Variants in PRRC2C observed in about 807,000 individuals in gnomAD.
PRRC2C encodes proline rich coiled-coil 2C.
In PRRC2C, 72 loss-of-function variants were observed where a neutral mutation model predicts 317.2. The observed-to-expected ratio is 0.23, with a 90% CI of 0.19 to 0.28. The LOEUF (loss-of-function observed/expected upper bound fraction) is 0.28, where lower values mean the gene tolerates loss of function less well. PRRC2C is among the 10% of genes least tolerant of loss of function. The pLI is 1.00. For synonymous variants in PRRC2C, 1,296 were observed against 1,205.9 expected (o/e 1.07, Z -1.55); for missense variants, 3,074 against 3,459.7 (o/e 0.89, Z 2.80).
chr1:171,566,691 G>C lies in PRRC2C; in HGVS notation c.6406G>C (p.Val2136Leu), dbSNP rs762241369. ...KNRKVKDAQQ[V>L]EPEGQEKPSP... Reference sequence around the variant, plus strand: ...TAGAAAAGTAAAAGATGCCCAACAGGTGGAGCCAGAAGGACAAGAGAAACC... The same window carrying C: ...TAGAAAAGTAAAAGATGCCCAACAGCTGGAGCCAGAAGGACAAGAGAAACC... Residue 2136 changes from valine to leucine, a missense_variant, in exon 22 of 35, where the codon GTG becomes CTG. By Grantham distance (32) the Val-to-Leu change is conservative. Transcript: ENST00000647382. 1.2e-6 allele frequency: 2 copies of C among 1,613,334 alleles called. No homozygotes were observed. Among genetic ancestry groups the C allele is most frequent in the Non-Finnish European group, 1.7e-6 (2 of 1,179,606 alleles).
chr1:171,498,864 C>T (rs1668582803), intron 1 of PRRC2C, among the ~76,000 whole-genome samples: 1 of 152,252 alleles, frequency 6.6e-6, no homozygotes, highest in African/African-American at 2.4e-5. Context: ...CCAGCAGTTG[C>T]GATCATCGCT....
intron 34 of PRRC2C, among the ~76,000 whole-genome samples, chr1:171,590,109 T>G (rs929258165): frequency 6.6e-6 from 1 of 152,138 alleles, no homozygotes; most frequent in African/African-American, 2.4e-5. Flanking sequence ...TGTTACTATC[T>G]TAGTACTTTT....
intron 30 of PRRC2C, 127 bp from the exon 31 acceptor site, chr1:171,586,876 G>A: frequency 1.3e-6 from 1 of 763,454 alleles, no homozygotes; most frequent in Non-Finnish European, 2.1e-6. Context: ...ATGAGCCACT[G>A]CACCTGGCCG....
chr1:171,552,815 A>G (rs919482658), intron 18 of PRRC2C, among the ~76,000 whole-genome samples: 5 of 152,162 alleles, frequency 3.3e-5, no homozygotes, highest in Non-Finnish European at 7.3e-5. Flanking sequence ...GATGAAGCCA[A>G]GTTGATCTTG....
intron 1 of PRRC2C, among the ~76,000 whole-genome samples, chr1:171,509,313 A>G (rs1471412294): frequency 1.3e-5 from 2 of 152,360 alleles, no homozygotes; most frequent in East Asian, 3.9e-4. Context: ...TTCAAAACAA[A>G]GAAATGTAAA....
At position 171,557,653 on chromosome 1, in the gene PRRC2C, C is replaced by T; in HGVS notation, c.5541C>T (p.Ala1847=). 6.4e-7 allele frequency: 1 copy of T among 1,551,630 alleles called. No homozygotes were observed. Among genetic ancestry groups the T allele is most frequent in the Non-Finnish European group, 8.7e-7 (1 of 1,146,976 alleles). Residue 1847 remains alanine (A), a synonymous_variant, in exon 19 of 35, where the codon GCC becomes GCT. Transcript: ENST00000647382. ...ASAPAPTPIL[A]SVSTPASVTI... ...CCCCAGCTCCAACCCCCATCCTTGC[C>T]TCAGTTTCAACCCCAGCTTCTGTCA...
At chr1:171,519,017 G>A (rs1233444486) in intron 6 of PRRC2C, among the ~76,000 whole-genome samples, 1 of 151,548 alleles carries the variant, frequency 6.6e-6, no homozygotes, top group Non-Finnish European at 1.5e-5. Context: ...CTGAGTAGCT[G>A]GGATTATAGC....
Position 171,537,436 on chromosome 1 carries a change from A to G in PRRC2C, c.2467A>G (p.Thr823Ala), listed in dbSNP as rs1201017632. Residue 823 changes from threonine (T) to alanine (A), a missense_variant, in exon 15 of 35, where the codon ACT becomes GCT. Around this residue, in one of 11 missense-constraint regions of PRRC2C, gnomAD observed 1,320 missense variants for 1,395.7 expected, o/e 0.95. Transcript: ENST00000647382. ...TCCTCATGCTGAGCCTCAACAAGCA[A>G]CTACTCCCAAAGCAACAGAAGAGCC... The part of the protein sequence containing the change: ...PYPHAEPQQA[T>A]TPKATEEPED... The G allele has an allele frequency of 6.3e-7, 1 of 1,583,074 alleles. No individual in the cohort carries two copies. The highest frequency in any genetic ancestry group is 1.2e-5 in the South Asian group (1 of 86,402).
At chr1:171,493,058 TAAATA>T (rs556674924) in intron 1 of PRRC2C, among the ~76,000 whole-genome samples, 17 of 135,332 alleles carry the variant, frequency 1.3e-4, no homozygotes, top group Middle Eastern at 3.8e-3. Context: ...CCGGGGAATT[TAAATA>T]AAATAAAATA....
intron 28 of PRRC2C, among the ~76,000 whole-genome samples, chr1:171,583,144 T>C (rs1375466239): frequency 2.0e-5 from 3 of 152,106 alleles, no homozygotes; most frequent in Non-Finnish European, 4.4e-5. Context: ...CACCTAATTT[T>C]TTATTTTTTT....
chr1:171,592,413 A>C lies in PRRC2C; in HGVS notation c.*566A>C, dbSNP rs1354195860. 5.9e-5 allele frequency: 9 copies of C among 152,610 alleles called. No individual in the cohort carries two copies. The highest frequency in any genetic ancestry group is 1.3e-4 in the Non-Finnish European group (9 of 68,360). The allele number at this position is 152,610 out of a possible 1,614,324, so 9.5% of individuals were successfully genotyped here. A position where few individuals can be genotyped will look rare whatever the true frequency, so the allele number is the denominator to read the frequency against. ...CATGGTGATTGAGTTGAACACAATC[A>C]AAGTACAGTAGTAACTGATGTCCCC... On this transcript the variant is annotated 3_prime_UTR_variant, in exon 35 of 35. Transcript: ENST00000647382.
chr1:171,579,228 C>T, intron 26 of PRRC2C, 126 bp from the exon 27 acceptor site: 4 of 1,321,600 alleles, frequency 3.0e-6, no homozygotes, highest in Admixed American at 3.0e-5. Flanking sequence ...TTAGTTTTTC[C>T]ATGGCTGTAT....
Position 171,532,482 on chromosome 1 carries a change from G to A in PRRC2C, c.1394G>A (p.Arg465His). 1.9e-6 allele frequency: 3 copies of A among 1,612,702 alleles called. No homozygotes were observed. The highest frequency in any genetic ancestry group is 1.7e-6 in the Non-Finnish European group (2 of 1,179,346). ...ATTTCTGCAGCAGTAGAACGTGCTC[G>A]TAAACGGCGTGAAGAGGAAGAGCGA... ...SEISAAVERA[R>H]KRREEEERRM... The change falls in exon 12 of 35, where the codon CGT becomes CAT. Residue 465 changes from arginine to histidine, a missense_variant. By Grantham distance (29) the Arg-to-His change is conservative. Transcript: ENST00000647382.
Position 171,592,163 on chromosome 1 carries a change from A to C in PRRC2C, c.*316A>C. On this transcript the variant is annotated 3_prime_UTR_variant, in exon 35 of 35. Coordinates refer to ENST00000647382, the MANE Select transcript of PRRC2C (RefSeq NM_001387844.1). ...TAATTTAGACCTAAAAATCCTTATG[A>C]TTAGATGAAACACCAAAAATATAAG... The C allele has an allele frequency of 4.1e-6, 1 of 243,446 alleles. No individual in the cohort carries two copies. Among genetic ancestry groups the C allele is most frequent in the Non-Finnish European group, 7.9e-6 (1 of 127,078 alleles). 15.1% of individuals were successfully genotyped at this position (243,446 alleles called of 1,614,324 possible). A position where few individuals can be genotyped will look rare whatever the true frequency, so the allele number is the denominator to read the frequency against.
intron 34 of PRRC2C, chr1:171,591,258 A>T: frequency 1.0e-6 from 1 of 996,258 alleles, no homozygotes; most frequent in Non-Finnish European, 1.2e-6. Context: ...CCACATATTG[A>T]TAACTAGAAG....
rs1412558279 is a variant in PRRC2C, at chr1:171,541,377, A to T, written c.3911A>T (p.His1304Leu). 1.2e-6 allele frequency: 2 copies of T among 1,612,568 alleles called. No homozygotes were observed. Among genetic ancestry groups the T allele is most frequent in the African/African-American group, 2.7e-5 (2 of 74,734 alleles). ...RPENKKPVKP[H>L]SSFKPDNHVR... is the part of the protein sequence containing the mutation. ...GAAAACAAAAAACCTGTAAAGCCTC[A>T]TTCTTCTTTCAAGCCTGATAATCAT... The change falls in exon 16 of 35, where the codon CAT becomes CTT. Residue 1304 changes from histidine (H) to leucine (L), a missense_variant. Physicochemically the swap from His to Leu is moderately conservative, Grantham distance 99. Transcript: ENST00000647382. The surrounding 1 kb of genome is among the most constrained non-coding windows in gnomAD (Gnocchi z 4.1).
intron 1 of PRRC2C, among the ~76,000 whole-genome samples, chr1:171,498,860 G>C (rs899043122): frequency 6.6e-6 from 1 of 152,170 alleles, no homozygotes; most frequent in East Asian, 1.9e-4. Flanking sequence ...TTGCCCAGCA[G>C]TTGCGATCAT....
chr1:171,492,856 ATTC>A (rs1250359975), intron 1 of PRRC2C, among the ~76,000 whole-genome samples: 1 of 151,618 alleles, frequency 6.6e-6, no homozygotes, highest in Non-Finnish European at 1.5e-5. Flanking sequence ...GGTTCAAGCA[ATTC>A]TTCTGCCTCA....
intron 30 of PRRC2C, among the ~76,000 whole-genome samples, chr1:171,586,262 T>TA (rs111636224): frequency 0.04 from 5,970 of 149,940 alleles, 368 homozygotes; most frequent in African/African-American, 0.14. Flanking sequence ...TTTATTTATT[T>TA]TTTTTTTTAG....
Sources: gnomAD v4.1 joint callset for allele counts (sites outside exome capture counted in the v4.1 genomes callset) on GRCh38, gnomAD v4.1.1 for gene constraint, gnomAD v4.1.1 regional missense constraint, Gnocchi (gnomAD v3.1) non-coding constraint, MANE v1.5 for transcripts, NCBI Gene and HGNC (gene_info 2026-07-23, HGNC 2026-07-21) for gene names.